The following TBX2 variants were observed in gnomAD, a reference collection of about 807,000 sequenced individuals.
The protein encoded by TBX2 is T-box transcription factor TBX2.
A neutral mutation model predicts 48.4 loss-of-function variants in TBX2; 19 were observed. The ratio of observed to expected loss-of-function variants is 0.39; its 90% CI spans 0.27 to 0.58. TBX2 has a LOEUF of 0.58. TBX2 is among the 20% of genes least tolerant of loss of function. The pLI is 0.54. For missense variants in TBX2, 994 were observed against 1,006.5 expected, an observed-to-expected ratio of 0.99 and a Z score of 0.17; for synonymous variants, 522 against 459.7, an observed-to-expected ratio of 1.14 and a Z score of -1.73.
In TBX2 at chr17:61,405,711, G is replaced by A. The variant is rs1254269281; in HGVS notation, c.1561G>A (p.Gly521Ser). 3 of 1,375,054 alleles carry A rather than the reference G, an allele frequency of 2.2e-6. No homozygotes were observed. The highest frequency in any genetic ancestry group is 2.8e-6 in the Non-Finnish European group (3 of 1,069,854). 85.2% of individuals were successfully genotyped at this position (1,375,054 alleles called of 1,614,324 possible). A position where few individuals can be genotyped will look rare whatever the true frequency, so the allele number is the denominator to read the frequency against. The change falls in exon 6 of 7, where the codon GGC becomes AGC. Residue 521 changes from glycine (G) to serine (S), a missense_variant. Physicochemically the swap from Gly to Ser is moderately conservative, Grantham distance 56. Around this residue, in one of 5 missense-constraint regions of TBX2, gnomAD observed 639 missense variants for 613.2 expected, o/e 1.04. Transcript: ENST00000240328. ...GGCCTCGGTGGCAGGCGGCGGCAAC[G>A]GCGGAGGTGGCGGGCCTGGGACCGC... is the stretch of plus-strand genomic sequence containing the variant. ...LLASVAGGGNGGGGGPGTAAG... is the reference protein window; with the variant it reads ...LLASVAGGGNSGGGGPGTAAG...
At chr17:61,407,463 C>T (rs2060293543) in intron 6 of TBX2, 1 of 152,424 alleles carries the variant, frequency 6.6e-6, no homozygotes. Context: ...TGCATTCCTT[C>T]CTCAGCTGCC....
chr17:61,401,966 A>G lies in TBX2; in HGVS notation c.663+15A>G, dbSNP rs768844579. Reference sequence around the variant, plus strand: ...AGCACGGCTTCGTGAGTGTTGGGGCAGGGTGGGGACGGTGCAGGAGCTTGT... The same window carrying G: ...AGCACGGCTTCGTGAGTGTTGGGGCGGGGTGGGGACGGTGCAGGAGCTTGT... On this transcript the variant is annotated intron_variant, in intron 2 of 6. Coordinates refer to ENST00000240328, the MANE Select transcript of TBX2 (RefSeq NM_005994.4). The G allele has an allele frequency of 6.3e-6, 10 of 1,582,484 alleles. No homozygotes were observed. The African/African-American group carries it at 1.3e-4, about 21-fold the overall frequency.
In TBX2 at chr17:61,409,426, C is replaced by T. The variant is rs2060300721; in HGVS notation, c.*920C>T. On this transcript the variant is annotated 3_prime_UTR_variant, in exon 7 of 7. Transcript: ENST00000240328. ...TTTTCGCTCCGGAGCGAGAACGAAA[C>T]GACAAAAACGCAAGAAAACAATAAA... The T allele has an allele frequency of 6.6e-6, 1 of 152,170 alleles. No individual in the cohort carries two copies. Among genetic ancestry groups the T allele is most frequent in the Non-Finnish European group, 1.5e-5 (1 of 68,032 alleles). 9.4% of individuals were successfully genotyped at this position (152,170 alleles called of 1,614,324 possible). A position where few individuals can be genotyped will look rare whatever the true frequency, so the allele number is the denominator to read the frequency against.
Position 61,408,275 on chromosome 17 carries a change from C to T in TBX2, c.1908C>T (p.Leu636=), listed in dbSNP as rs1177217249. 6 of 1,612,668 alleles carry T rather than the reference C, an allele frequency of 3.7e-6. No homozygotes were observed. The highest frequency in any genetic ancestry group is 1.6e-4 in the Middle Eastern group (1 of 6,084). ...IPVTIPPSTS[L]LTTGLASEGS... ...TCACCATCCCGCCTAGCACTAGCCT[C>T]CTCACCACCGGGCTGGCCTCTGAGG... Residue 636 remains leucine (L), a synonymous_variant, in exon 7 of 7, where the codon CTC becomes CTT. Coordinates refer to ENST00000240328, the MANE Select transcript of TBX2 (RefSeq NM_005994.4).
chr17:61,402,672 G>T (rs773278441), intron 2 of TBX2, among the ~76,000 whole-genome samples: 25 of 152,128 alleles, frequency 1.6e-4, no homozygotes, highest in Non-Finnish European at 3.4e-4. Flanking sequence ...GAGTGGAATT[G>T]TAGGGCTCTG....
In TBX2 at chr17:61,404,401, C is replaced by A. The variant is rs748959087; in HGVS notation, c.811-20C>A. The A allele has an allele frequency of 3.1e-6, 5 of 1,591,340 alleles. No individual in the cohort carries two copies. Among genetic ancestry groups the A allele is most frequent in the Non-Finnish European group, 4.3e-6 (5 of 1,168,666 alleles). ...GAAGAGCCACGGCCTGACTTAGCGC[C>A]GCCCCCTTGGTCCCCGCAGATCACA... On this transcript the variant is annotated intron_variant, in intron 3 of 6. Coordinates refer to ENST00000240328, the MANE Select transcript of TBX2 (RefSeq NM_005994.4).
rs2143731708 is a variant in TBX2 at position 61,404,499 on chromosome 17, T to C, written c.887+2T>C. ...CGGGAACGGCCGGCGGGAGAAAAGG[T>C]GAGAGGCCGAGGACAGCAGCCCTGT... On this transcript the variant is annotated splice_donor_variant, in intron 4 of 6. Coordinates refer to ENST00000240328, the MANE Select transcript of TBX2 (RefSeq NM_005994.4). LOFTEE classifies it high-confidence loss of function. 1 of 1,609,852 alleles carries C rather than the reference T, an allele frequency of 6.2e-7. No individual in the cohort carries two copies.
Position 61,408,850 on chromosome 17 carries a change from G to A in TBX2, c.*344G>A, listed in dbSNP as rs543580863. ...CCTGCAGAAGCCAGAAGGTGCAGGG[G>A]CCAGGGGTGGGAGCATCGGAGGGAG... On this transcript the variant is annotated 3_prime_UTR_variant, in exon 7 of 7. Coordinates refer to ENST00000240328, the MANE Select transcript of TBX2 (RefSeq NM_005994.4). 4.5e-5 allele frequency: 11 copies of A among 241,926 alleles called. No homozygotes were observed. The South Asian group carries it at 5.0e-4, about 11-fold the overall frequency. The allele number at this position is 241,926 out of a possible 1,614,324, so 15.0% of individuals were successfully genotyped here.
intron 5 of TBX2, 178 bp from the exon 6 acceptor site, chr17:61,405,024 T>G (rs1185756673): frequency 4.4e-6 from 6 of 1,373,622 alleles, no homozygotes; most frequent in Non-Finnish European, 6.0e-6. Flanking sequence ...TCTCCAGGGC[T>G]GGGTTCCTTC....
chr17:61,404,723 C>A lies in TBX2; in HGVS notation c.1005C>A (p.Thr335=), dbSNP rs552679366. 1.2e-4 allele frequency: 193 copies of A among 1,556,202 alleles called. No individual in the cohort carries two copies. The African/African-American group carries it at 2.3e-3, about 18-fold the overall frequency. ...CDPPPAREPP[T]SPGAAPSPLR... ...CTCCCCCCGCGCGGGAACCACCCACCTCCCCGGGCGCAGCGCCCAGTCCGC... is the reference window on the plus strand; with the variant it reads ...CTCCCCCCGCGCGGGAACCACCCACATCCCCGGGCGCAGCGCCCAGTCCGC... Residue 335 remains threonine (T), a synonymous_variant, in exon 5 of 7, where the codon ACC becomes ACA. Coordinates refer to ENST00000240328, the MANE Select transcript of TBX2 (RefSeq NM_005994.4).
At position 61,400,284 on chromosome 17, in the gene TBX2, C is replaced by A. The variant is rs1489057231; in HGVS notation, c.108C>A (p.Ser36=). ...CCTTTCTGGCGGCGGCGCAGCCCTC[C>A]TTCTTCCCGGCACTCGCGCTGCCGC... is the stretch of plus-strand genomic sequence containing the variant. ...MSAFLAAAQP[S]FFPALALPPG... Residue 36 remains serine, a synonymous_variant, in exon 1 of 7, where the codon TCC becomes TCA. Transcript: ENST00000240328. This position sits in a 1 kb window ranked among gnomAD's most constrained non-coding sequence, Gnocchi z 9.2. 1 of 1,167,094 alleles carries A rather than the reference C, an allele frequency of 8.6e-7. No homozygotes were observed. The highest frequency in any genetic ancestry group is 1.8e-5 in the South Asian group (1 of 55,460). The allele number at this position is 1,167,094 out of a possible 1,614,324, so 72.3% of individuals were successfully genotyped here. A position where few individuals can be genotyped will look rare whatever the true frequency, so the allele number is the denominator to read the frequency against.
intron 1 of TBX2, 125 bp from the exon 2 acceptor site, chr17:61,401,558 AC>A: frequency 1.5e-6 from 2 of 1,341,080 alleles, no homozygotes; most frequent in Non-Finnish European, 2.0e-6. Context: ...AGAGCAGCCG[AC>A]CACAGGGGAA....
rs905216046 is a variant in TBX2 at position 61,400,617 on chromosome 17, C to T, written c.395+46C>T. On this transcript the variant is annotated intron_variant, in intron 1 of 6. Coordinates refer to ENST00000240328, the MANE Select transcript of TBX2 (RefSeq NM_005994.4). The surrounding 1 kb of genome is among the most constrained non-coding windows in gnomAD (Gnocchi z 9.2). ...GAAGGCGCGCGGGCGGGCGGGCGGG[C>T]TGGGGCACGGGACTGCACGGATCAG... is the stretch of plus-strand genomic sequence containing the variant. The T allele has an allele frequency of 6.7e-7, 1 of 1,501,950 alleles. No individual in the cohort carries two copies. Among genetic ancestry groups the T allele is most frequent in the African/African-American group, 1.4e-5 (1 of 71,658 alleles). The allele number at this position is 1,501,950 out of a possible 1,614,324, so 93.0% of individuals were successfully genotyped here.
At position 61,403,291 on chromosome 17, in the gene TBX2, G is replaced by T; in HGVS notation, c.810+84G>T. 1 of 1,564,246 alleles carries T rather than the reference G, an allele frequency of 6.4e-7. No individual in the cohort carries two copies. The highest frequency in any genetic ancestry group is 1.9e-5 in the Admixed American group (1 of 52,294). ...CCCAACCGTCCGTTCATCGCCCCTC[G>T]AAGCCCCCTGCACGGGATCCGCGCT... On this transcript the variant is annotated intron_variant, in intron 3 of 6. Transcript: ENST00000240328. The surrounding 1 kb of genome is among the most constrained non-coding windows in gnomAD (Gnocchi z 5.8).
At position 61,403,455 on chromosome 17, in the gene TBX2, A is replaced by T. The variant is rs907338270; in HGVS notation, c.810+248A>T. 2.0e-5 allele frequency among the ~76,000 whole-genome samples: 3 copies of T among 152,252 alleles called. No homozygotes were observed. The highest frequency in any genetic ancestry group is 7.2e-5 in the African/African-American group (3 of 41,466). On this transcript the variant is annotated intron_variant, in intron 3 of 6. Coordinates refer to ENST00000240328, the MANE Select transcript of TBX2 (RefSeq NM_005994.4). This position sits in a 1 kb window ranked among gnomAD's most constrained non-coding sequence, Gnocchi z 5.8. ...AGCGAACAGCTGGGCCGTCGTTCTG[A>T]TGGAGATGTTTACTTAACAATTAGC...
At position 61,405,576 on chromosome 17, in the gene TBX2, G is replaced by T; in HGVS notation, c.1426G>T (p.Gly476Trp). Residue 476 changes from glycine to tryptophan, a missense_variant, in exon 6 of 7, where the codon GGG becomes TGG. By Grantham distance (184) the Gly-to-Trp change is radical. This residue lies in a region of TBX2 where 639 missense variants were observed against 613.2 expected (regional missense o/e 1.04). Coordinates refer to ENST00000240328, the MANE Select transcript of TBX2 (RefSeq NM_005994.4). ...CCTGGCCTTTTCCAGCCACTTGCACGGGCAGCAGTTCTTTGGGCCGCTGGG... is the reference window on the plus strand; with the variant it reads ...CCTGGCCTTTTCCAGCCACTTGCACTGGCAGCAGTTCTTTGGGCCGCTGGG... ...PGLAFSSHLHGQQFFGPLGAG... is the reference protein window; with the variant it reads ...PGLAFSSHLHWQQFFGPLGAG... 3 of 1,600,496 alleles carry T rather than the reference G, an allele frequency of 1.9e-6. No homozygotes were observed. Among genetic ancestry groups the T allele is most frequent in the Non-Finnish European group, 2.5e-6 (3 of 1,177,138 alleles).
Position 61,405,184 on chromosome 17 carries a change from C to A in TBX2, c.1052-18C>A. The A allele has an allele frequency of 6.8e-7, 1 of 1,480,274 alleles. No homozygotes were observed. The allele number at this position is 1,480,274 out of a possible 1,614,324, so 91.7% of individuals were successfully genotyped here. On this transcript the variant is annotated intron_variant, in intron 5 of 6. Coordinates refer to ENST00000240328, the MANE Select transcript of TBX2 (RefSeq NM_005994.4). ...CCTCCGCCCAGGCCCCTGTAATCCGCGCGCCCTCTCCCCGCAGCTGAGGAG... is the reference window on the plus strand; with the variant it reads ...CCTCCGCCCAGGCCCCTGTAATCCGAGCGCCCTCTCCCCGCAGCTGAGGAG...
In TBX2 at chr17:61,400,628, G is replaced by C; in HGVS notation, c.395+57G>C. ...GGCGGGCGGGCGGGCTGGGGCACGG[G>C]ACTGCACGGATCAGAGCAGAGCTGG... is the stretch of plus-strand genomic sequence containing the variant. On this transcript the variant is annotated intron_variant, in intron 1 of 6. Coordinates refer to ENST00000240328, the MANE Select transcript of TBX2 (RefSeq NM_005994.4). This position sits in a 1 kb window ranked among gnomAD's most constrained non-coding sequence, Gnocchi z 9.2. 6.6e-7 allele frequency: 1 copy of C among 1,506,526 alleles called. No individual in the cohort carries two copies. The highest frequency in any genetic ancestry group is 9.0e-7 in the Non-Finnish European group (1 of 1,115,498). 93.3% of individuals were successfully genotyped at this position (1,506,526 alleles called of 1,614,324 possible).
Position 61,403,305 on chromosome 17 carries a change from G to T in TBX2, c.810+98G>T. ...CATCGCCCCTCGAAGCCCCCTGCAC[G>T]GGATCCGCGCTCTTGCGGCCCGCCC... On this transcript the variant is annotated intron_variant, in intron 3 of 6. Transcript: ENST00000240328. This position sits in a 1 kb window ranked among gnomAD's most constrained non-coding sequence, Gnocchi z 5.8. 2 of 1,531,290 alleles carry T rather than the reference G, an allele frequency of 1.3e-6. No homozygotes were observed. The highest frequency in any genetic ancestry group is 1.7e-6 in the Non-Finnish European group (2 of 1,146,414). The allele number at this position is 1,531,290 out of a possible 1,614,324, so 94.9% of individuals were successfully genotyped here.
Sources: allele counts gnomAD v4.1 joint callset (sites outside exome capture counted in the v4.1 genomes callset), GRCh38; gene constraint gnomAD v4.1.1; regional missense constraint gnomAD v4.1.1; non-coding constraint Gnocchi (gnomAD v3.1); transcripts MANE v1.5; gene names NCBI Gene and HGNC (gene_info 2026-07-23, HGNC 2026-07-21).